The following SYTL4 variants were observed in gnomAD, a reference collection of about 807,000 sequenced individuals.
The protein encoded by SYTL4 is synaptotagmin like 4.
Under a neutral mutation model 52.7 loss-of-function variants are expected in SYTL4, and 16 were observed. The ratio of observed to expected loss-of-function variants is 0.30; its 90% confidence interval spans 0.21 to 0.46. The LOEUF is 0.46. SYTL4 is among the 20% of genes least tolerant of loss of function. The pLI is 1.00. For synonymous variants in SYTL4, 160 were observed against 186.6 expected (o/e 0.86, Z 1.16); for missense variants, 423 against 519.9 (o/e 0.81, Z 1.81).
At chrX:100,720,283 C>T (rs920910864) in intron 2 of SYTL4, among the ~76,000 whole-genome samples, 1 of 111,891 alleles carries the variant, frequency 8.9e-6, no homozygotes, top group Non-Finnish European at 1.9e-5. Flanking sequence ...CCTTCCTTGA[C>T]AGCCCCATTT....
chrX:100,727,222 G>C (rs1456933806), intron 2 of SYTL4, among the ~76,000 whole-genome samples: 1 of 112,229 alleles, frequency 8.9e-6, no homozygotes, highest in Non-Finnish European at 1.9e-5. Context: ...TATATAATAG[G>C]CAATGGGTAA....
rs148610544 is a variant in SYTL4 at position 100,701,569 on chromosome X, C to A, written c.215G>T (p.Arg72Leu). Reference sequence around the variant, plus strand: ...ACAAGTATTGGTTTTGGGACTCAAACGGCCCAGGCTCTCCTGGCACCGGGC... The same window carrying A: ...ACAAGTATTGGTTTTGGGACTCAAAAGGCCCAGGCTCTCCTGGCACCGGGC... ...TCARCQESLGRLSPKTNTCRG... is the reference protein window; with the variant it reads ...TCARCQESLGLLSPKTNTCRG... Residue 72 changes from arginine to leucine, a missense_variant, in exon 6 of 20, where the codon CGT (arginine) becomes CTT (leucine). Transcript: ENST00000372989. 8.3e-7 allele frequency: 1 copy of A among 1,211,382 alleles called. No homozygotes were observed. The highest frequency in any genetic ancestry group is 1.1e-6 in the Non-Finnish European group (1 of 895,275).
intron 9 of SYTL4, among the ~76,000 whole-genome samples, chrX:100,690,840 C>T (rs1351884132): frequency 8.9e-6 from 1 of 111,865 alleles, no homozygotes; most frequent in African/African-American, 3.2e-5. Context: ...ACACTCACAC[C>T]CTCATTCTTA....
At chrX:100,730,711 C>A (rs1237199902) in intron 2 of SYTL4, among the ~76,000 whole-genome samples, 3 of 111,267 alleles carry the variant, frequency 2.7e-5, no homozygotes, top group Non-Finnish European at 3.8e-5. Flanking sequence ...GAGTGAGACA[C>A]CTGAAATTGT....
In SYTL4 at chrX:100,675,962, T is replaced by C; in HGVS notation, c.*66A>G. On this transcript the variant is annotated 3_prime_UTR_variant, in exon 20 of 20. Transcript: ENST00000372989. Reference sequence around the variant, plus strand: ...TACACATTAAATTATAAATCTTTGCTCTTGATTTCTTCACTTCCTCTGACC... The same window carrying C: ...TACACATTAAATTATAAATCTTTGCCCTTGATTTCTTCACTTCCTCTGACC... 2 of 1,093,070 alleles carry C rather than the reference T, an allele frequency of 1.8e-6. No individual in the cohort carries two copies. Among genetic ancestry groups the C allele is most frequent in the Non-Finnish European group, 2.5e-6 (2 of 813,858 alleles). 90.1% of individuals were successfully genotyped at this position (1,093,070 alleles called of 1,213,427 possible).
chrX:100,695,751 G>A (rs1285675169), intron 8 of SYTL4, among the ~76,000 whole-genome samples: 2 of 111,897 alleles, frequency 1.8e-5, no homozygotes, highest in Non-Finnish European at 3.8e-5. Context: ...AGTGTGCAAC[G>A]TGACATTTTG....
Position 100,701,686 on chromosome X carries a change from A to G in SYTL4, c.111-13T>C, listed in dbSNP as rs17257425. On this transcript the variant is annotated splice_polypyrimidine_tract_variant and intron_variant, in intron 5 of 19. Coordinates refer to ENST00000372989, the MANE Select transcript of SYTL4 (RefSeq NM_001370165.1). Reference sequence around the variant, plus strand: ...ATTCTTTAGTCGCCTGCCAAGACCCAAAACAGAAGCGTAAGTGGATTCAGG... The same window carrying G: ...ATTCTTTAGTCGCCTGCCAAGACCCGAAACAGAAGCGTAAGTGGATTCAGG... 17,416 of 1,196,287 alleles carry G rather than the reference A, an allele frequency of 0.015. 107 individuals are homozygous for G. Among genetic ancestry groups the G allele is most frequent in the Non-Finnish European group, 0.017 (14,993 of 883,178 alleles).
intron 16 of SYTL4, 76 bp from the exon 17 acceptor site, chrX:100,681,411 T>C (rs1004193502): frequency 2.5e-5 from 19 of 772,311 alleles, no homozygotes; most frequent in Middle Eastern, 7.4e-4. Flanking sequence ...AAAAAAATTC[T>C]AAAATTACCC....
At chrX:100,685,291 TAAAACGC>T (rs1421931254) in intron 16 of SYTL4, 2 of 112,098 alleles carry the variant, frequency 1.8e-5, no homozygotes, top group Non-Finnish European at 3.8e-5. Flanking sequence ...ATCCCACATT[TAAAACGC>T]TAGTGTAAAA....
chrX:100,691,560 C>T (rs189298432), intron 8 of SYTL4, among the ~76,000 whole-genome samples: 10 of 109,505 alleles, frequency 9.1e-5, no homozygotes, highest in African/African-American at 3.0e-4. Context: ...TTTTTTGAGA[C>T]GGAGTCTCAC....
chrX:100,691,332 C>G (rs2083593806), intron 8 of SYTL4, 123 bp from the exon 9 acceptor site: 1 of 441,484 alleles, frequency 2.3e-6, no homozygotes, highest in Non-Finnish European at 3.9e-6. Context: ...TATGAGTATA[C>G]TTTAAACATA....
chrX:100,701,523 C>T lies in SYTL4; in HGVS notation c.261G>A (p.Val87=). The stretch of plus-strand genomic sequence containing the variant: ...TTTCCTGTATGCGGCAGTCCCGACA[C>T]ACCAGGTGATTACAACCCCGACAAG... ...TNTCRGCNHL[V]CRDCRIQESN... The change falls in exon 6 of 20, where the codon GTG becomes GTA. Residue 87 remains valine, a synonymous_variant. Coordinates refer to ENST00000372989, the MANE Select transcript of SYTL4 (RefSeq NM_001370165.1). 1 of 1,211,888 alleles carries T rather than the reference C, an allele frequency of 8.3e-7. No individual in the cohort carries two copies.
chrX:100,687,268 C>T (rs1477324821), intron 13 of SYTL4, 23 bp from the exon 14 acceptor site: 4 of 1,191,847 alleles, frequency 3.4e-6, no homozygotes, highest in South Asian at 1.8e-5. Flanking sequence ...CACCCACGAA[C>T]ATCTGGGGAA....
intron 15 of SYTL4, 71 bp downstream of exon 15, chrX:100,686,608 G>C: frequency 2.5e-6 from 2 of 791,767 alleles, no homozygotes; most frequent in Non-Finnish European, 3.7e-6. Flanking sequence ...TGGTCATGTT[G>C]CAGAGGAATA....
At chrX:100,702,870 A>G (rs762077004) in intron 4 of SYTL4, among the ~76,000 whole-genome samples, 11 of 111,661 alleles carry the variant, frequency 9.9e-5, no homozygotes, top group Admixed American at 9.5e-4. Flanking sequence ...ATTAAGTGCT[A>G]TGAGAACTTA....
intron 8 of SYTL4, among the ~76,000 whole-genome samples, chrX:100,692,367 C>G: frequency 8.9e-6 from 1 of 112,590 alleles, no homozygotes; most frequent in Non-Finnish European, 1.9e-5. Flanking sequence ...ATCTTATTTA[C>G]TGATGTGTTC....
intron 16 of SYTL4, among the ~76,000 whole-genome samples, chrX:100,683,124 C>T (rs978218731): frequency 5.7e-5 from 5 of 88,346 alleles, no homozygotes; most frequent in Middle Eastern, 6.2e-3. Flanking sequence ...TGCCCTTTCA[C>T]CTGCCTGTAT....
chrX:100,723,891 G>A (rs1305254289), intron 2 of SYTL4, among the ~76,000 whole-genome samples: 2 of 102,035 alleles, frequency 2.0e-5, no homozygotes, highest in Non-Finnish European at 4.0e-5. Flanking sequence ...GCCCCCGCCA[G>A]GCCAGCCACC....
rs747928834 is a variant in SYTL4 at position 100,678,396 on chromosome X, C to T, written c.1862G>A (p.Gly621Asp). The T allele has an allele frequency of 8.3e-7, 1 of 1,206,579 alleles. No individual in the cohort carries two copies. The highest frequency in any genetic ancestry group is 2.2e-5 in the Admixed American group (1 of 45,979). Residue 621 changes from glycine (G) to aspartate (D), a missense_variant, in exon 19 of 20, where the codon GGC (glycine) becomes GAC (aspartate). Coordinates refer to ENST00000372989, the MANE Select transcript of SYTL4 (RefSeq NM_001370165.1). Reference sequence around the variant, plus strand: ...GATGGGGGAGGGGATCTCACCAGTGCCAACACCCAGCCTGACCCCTCCCAG... The same window carrying T: ...GATGGGGGAGGGGATCTCACCAGTGTCAACACCCAGCCTGACCCCTCCCAG... ...DFLGGVRLGVGTGISNGEVVD... is the reference protein window; with the variant it reads ...DFLGGVRLGVDTGISNGEVVD...
Sources: allele counts gnomAD v4.1 joint callset (sites outside exome capture counted in the v4.1 genomes callset), GRCh38; gene constraint gnomAD v4.1.1; transcripts MANE v1.5; gene names NCBI Gene and HGNC (gene_info 2026-07-23, HGNC 2026-07-21).